Variants in L3MBTL4 observed in about 807,000 individuals in gnomAD.
The protein encoded by L3MBTL4 is L3MBTL histone methyl-lysine binding protein 4.
A neutral mutation model predicts 84.5 loss-of-function variants in L3MBTL4; 70 were observed. The ratio of observed to expected loss-of-function variants is 0.83; its 90% CI spans 0.68 to 1.01. The LOEUF is 1.01. Ranked by LOEUF, L3MBTL4 falls within the 50% of genes least tolerant of loss-of-function variation. The probability of loss-of-function intolerance (pLI) is 0.00; values close to 1 mark genes in which losing one functional copy is unlikely to be tolerated. For missense variants in L3MBTL4, 715 were observed against 754.8 expected, an observed-to-expected ratio of 0.95 and a Z score of 0.62; for synonymous variants, 274 against 259.8, an observed-to-expected ratio of 1.05 and a Z score of -0.52.
At chr18:6,028,709 C>T (rs1040531175) in intron 16 of L3MBTL4, among the ~76,000 whole-genome samples, 2 of 152,130 alleles carry the variant, frequency 1.3e-5, no homozygotes, top group African/African-American at 2.4e-5. Context: ...TCTCTTATTT[C>T]CTTGAGCAGT....
intron 4 of L3MBTL4, among the ~76,000 whole-genome samples, chr18:6,275,689 TG>T (rs917521079): frequency 6.6e-6 from 1 of 152,152 alleles, no homozygotes; most frequent in African/African-American, 2.4e-5. Context: ...ATTGCATTAA[TG>T]GGAAATTATC....
At chr18:6,179,899 A>G (rs752470931) in intron 12 of L3MBTL4, among the ~76,000 whole-genome samples, 1 of 152,108 alleles carries the variant, frequency 6.6e-6, no homozygotes, top group Non-Finnish European at 1.5e-5. Flanking sequence ...CAGCCTCCCA[A>G]AGCTCTGGGA....
chr18:6,293,367 G>A (rs1051357636), intron 4 of L3MBTL4, among the ~76,000 whole-genome samples: 1 of 151,966 alleles, frequency 6.6e-6, no homozygotes, highest in Non-Finnish European at 1.5e-5. Context: ...AGAAAACGTC[G>A]AAGTGCTCGA....
At chr18:6,353,962 C>A (rs2053319855) in intron 1 of L3MBTL4, among the ~76,000 whole-genome samples, 1 of 151,788 alleles carries the variant, frequency 6.6e-6, no homozygotes, top group Non-Finnish European at 1.5e-5. Flanking sequence ...CACAAAAGAC[C>A]CAGAATAGAC....
chr18:6,239,324 G>C (rs1354622842), intron 9 of L3MBTL4, among the ~76,000 whole-genome samples: 3 of 132,676 alleles, frequency 2.3e-5, no homozygotes, highest in African/African-American at 9.0e-5. Context: ...CTGGGCGACA[G>C]AGCGAGACTC....
At chr18:6,130,247 C>T (rs1305579741) in intron 14 of L3MBTL4, among the ~76,000 whole-genome samples, 1 of 151,962 alleles carries the variant, frequency 6.6e-6, no homozygotes, top group African/African-American at 2.4e-5. Flanking sequence ...GTGAGACTGA[C>T]ACCCCCCACC....
chr18:6,134,381 G>T (rs2059967472), intron 14 of L3MBTL4, among the ~76,000 whole-genome samples: 1 of 152,040 alleles, frequency 6.6e-6, no homozygotes, highest in Admixed American at 6.6e-5. Context: ...AACCCATCAT[G>T]CCTTCCCAAC....
At chr18:6,030,306 G>T in intron 16 of L3MBTL4, 1 of 985,272 alleles carries the variant, frequency 1.0e-6, no homozygotes, top group Non-Finnish European at 1.2e-6. Flanking sequence ...TCAATAATAT[G>T]CTTTTAAGCC....
chr18:6,215,537 A>G (rs1369194644), intron 11 of L3MBTL4, among the ~76,000 whole-genome samples: 1 of 152,206 alleles, frequency 6.6e-6, no homozygotes, highest in Non-Finnish European at 1.5e-5. Flanking sequence ...CCATTTTTCA[A>G]GGAAGGAAAC....
chr18:5,984,079 G>A (rs989225272), intron 16 of L3MBTL4, among the ~76,000 whole-genome samples: 2 of 152,060 alleles, frequency 1.3e-5, no homozygotes, highest in African/African-American at 4.8e-5. Flanking sequence ...GCCTGAGTAA[G>A]TTTTGTATTT....
chr18:6,406,653 G>A (rs341240), intron 1 of L3MBTL4, among the ~76,000 whole-genome samples: 18 of 152,240 alleles, frequency 1.2e-4, no homozygotes, highest in Admixed American at 5.9e-4. Context: ...CAGACATCTC[G>A]TGAGGTGAGG....
chr18:6,274,901 A>C lies in L3MBTL4; in HGVS notation c.128-10863T>G, dbSNP rs144004641. On this transcript the variant is annotated intron_variant, in intron 4 of 18. Transcript: ENST00000317931. ...TGAGACGTGAAAAAACTGGACAATCAATGACATGAGAAAGAGGACTCTGAC... is the reference window on the plus strand; with the variant it reads ...TGAGACGTGAAAAAACTGGACAATCCATGACATGAGAAAGAGGACTCTGAC... Among the ~76,000 whole-genome samples, 322 of 152,310 alleles carry C rather than the reference A, an allele frequency of 2.1e-3. 3 individuals carry two copies. Among genetic ancestry groups the C allele is most frequent in the African/African-American group, 7.6e-3 (317 of 41,568 alleles).
chr18:6,304,280 G>A (rs2050484139), intron 3 of L3MBTL4, among the ~76,000 whole-genome samples: 2 of 152,122 alleles, frequency 1.3e-5, no homozygotes, highest in Non-Finnish European at 2.9e-5. Context: ...AACATAGTCT[G>A]GTATCTAGTC....
intron 16 of L3MBTL4, among the ~76,000 whole-genome samples, chr18:6,074,729 T>C (rs149083094): frequency 8.6e-4 from 131 of 152,272 alleles, no homozygotes; most frequent in African/African-American, 3.0e-3. Flanking sequence ...AGTAAAGACA[T>C]TGGTTCTTTC....
intron 16 of L3MBTL4, among the ~76,000 whole-genome samples, chr18:6,027,542 G>A (rs1024641194): frequency 5.3e-5 from 8 of 152,182 alleles, no homozygotes; most frequent in African/African-American, 1.9e-4. Flanking sequence ...AATTCTTTGG[G>A]TGTAAACCCA....
chr18:6,232,186 T>A (rs774068709), intron 10 of L3MBTL4, among the ~76,000 whole-genome samples: 4 of 152,194 alleles, frequency 2.6e-5, no homozygotes, highest in African/African-American at 4.8e-5. Context: ...TATATTACAC[T>A]GATTAATTTT....
At chr18:6,403,575 A>T (rs114453904) in intron 1 of L3MBTL4, among the ~76,000 whole-genome samples, 1,595 of 152,328 alleles carry the variant, frequency 0.01, 24 homozygotes, top group African/African-American at 0.036. Context: ...TAAATTACAC[A>T]TATATTTTTC....
At chr18:6,087,550 T>C (rs954090082) in intron 15 of L3MBTL4, among the ~76,000 whole-genome samples, 1 of 152,134 alleles carries the variant, frequency 6.6e-6, no homozygotes, top group African/African-American at 2.4e-5. Flanking sequence ...GGATTTCCTG[T>C]CCAGCCAAAA....
intron 4 of L3MBTL4, among the ~76,000 whole-genome samples, chr18:6,296,980 T>C (rs2050133966): frequency 1.3e-5 from 2 of 152,256 alleles, no homozygotes; most frequent in Admixed American, 1.3e-4. Flanking sequence ...GACTGAACAC[T>C]GGGGAACAAA....
Sources: gnomAD v4.1 joint callset for allele counts (sites outside exome capture counted in the v4.1 genomes callset) on GRCh38, gnomAD v4.1.1 for gene constraint, MANE v1.5 for transcripts, NCBI Gene and HGNC (gene_info 2026-07-23, HGNC 2026-07-21) for gene names.